The following MCTP2 variants were observed in gnomAD, a reference collection of about 807,000 sequenced individuals.
MCTP2 encodes the protein multiple C2 and transmembrane domain-containing protein 2.
A neutral mutation model predicts 111.6 loss-of-function variants in MCTP2; 132 were observed. That is an observed-to-expected ratio of 1.18 (90% confidence interval 1.03 to 1.37). The LOEUF (loss-of-function observed/expected upper bound fraction) is 1.37. Ranked by LOEUF, MCTP2 falls within the 40% of genes most tolerant of loss-of-function variation. The pLI is 0.00. For missense variants in MCTP2, 1,183 were observed against 1,067.9 expected (o/e 1.11, Z -1.50); for synonymous variants, 395 against 387.7 (o/e 1.02, Z -0.22).
chr15:94,370,715 G>A (rs1596494987), intron 12 of MCTP2, among the ~76,000 whole-genome samples: 1 of 152,130 alleles, frequency 6.6e-6, no homozygotes, highest in South Asian at 2.1e-4. Flanking sequence ...AGAGGCCAAA[G>A]CAGACATGCT....
At chr15:94,329,663 C>T (rs140637241) in intron 4 of MCTP2, among the ~76,000 whole-genome samples, 125 of 152,244 alleles carry the variant, frequency 8.2e-4, no homozygotes, top group African/African-American at 2.9e-3. Flanking sequence ...GGATGACCTC[C>T]CACCGGGCCC....
intron 1 of MCTP2, among the ~76,000 whole-genome samples, chr15:94,243,533 G>A (rs2071296799): frequency 7.6e-6 from 1 of 130,720 alleles, no homozygotes. Flanking sequence ...ACACACATAC[G>A]TATGCGTGCA....
intron 2 of MCTP2, among the ~76,000 whole-genome samples, chr15:94,300,507 C>CT (rs1216208109): frequency 2.0e-5 from 1 of 50,162 alleles, no homozygotes; most frequent in East Asian, 1.3e-3. Context: ...GAGACTCTGT[C>CT]TCAAAAAAAA....
chr15:94,458,344 A>G (rs1247300727), intron 20 of MCTP2, 98 bp downstream of exon 20: 2 of 752,534 alleles, frequency 2.7e-6, no homozygotes, highest in Admixed American at 4.1e-5. Flanking sequence ...GAGGCAAGAA[A>G]ATACAAAAAC....
chr15:94,240,619 C>T (rs1047203049), intron 1 of MCTP2, among the ~76,000 whole-genome samples: 1 of 152,060 alleles, frequency 6.6e-6, no homozygotes, highest in African/African-American at 2.4e-5. Flanking sequence ...CTTGCTAAAC[C>T]CTGTTGTGAA....
At chr15:94,368,697 C>T (rs1286475418) in intron 11 of MCTP2, among the ~76,000 whole-genome samples, 3 of 152,174 alleles carry the variant, frequency 2.0e-5, no homozygotes, top group Admixed American at 6.5e-5. Context: ...GAAGGTTTGA[C>T]ACAACTATTA....
At chr15:94,289,267 A>G (rs932848494) in intron 1 of MCTP2, among the ~76,000 whole-genome samples, 1 of 152,228 alleles carries the variant, frequency 6.6e-6, no homozygotes, top group African/African-American at 2.4e-5. Flanking sequence ...AAGAACAATG[A>G]TTCAAATGGC....
At chr15:94,415,700 G>A (rs1303608751) in intron 17 of MCTP2, among the ~76,000 whole-genome samples, 2 of 150,186 alleles carry the variant, frequency 1.3e-5, no homozygotes, top group Non-Finnish European at 3.0e-5. Context: ...GCATATGCAA[G>A]ACCAACCCAC....
chr15:94,376,082 G>A (rs2079756660), intron 12 of MCTP2, among the ~76,000 whole-genome samples: 1 of 152,152 alleles, frequency 6.6e-6, no homozygotes, highest in South Asian at 2.1e-4. Context: ...TCTACTGCAG[G>A]ACATGAGGTG....
chr15:94,362,121 C>T (rs868707614), intron 10 of MCTP2, among the ~76,000 whole-genome samples: 6 of 151,984 alleles, frequency 3.9e-5, no homozygotes, highest in Admixed American at 6.6e-5. Flanking sequence ...TGTTGCCTAC[C>T]GACTCCAGTG....
At chr15:94,349,325 C>G (rs988832506) in intron 8 of MCTP2, among the ~76,000 whole-genome samples, 2 of 152,170 alleles carry the variant, frequency 1.3e-5, no homozygotes. Context: ...AATCTCTCCT[C>G]TCAGTGATGT....
chr15:94,446,434 G>T (rs1044898298), intron 19 of MCTP2, among the ~76,000 whole-genome samples: 4 of 152,080 alleles, frequency 2.6e-5, no homozygotes, highest in African/African-American at 9.7e-5. Flanking sequence ...GACCTTATTT[G>T]TACGGATGGA....
Position 94,332,749 on chromosome 15 carries a change from G to T in MCTP2, c.638-6541G>T, listed in dbSNP as rs74028562. On this transcript the variant is annotated intron_variant, in intron 4 of 22. Coordinates refer to ENST00000357742, the MANE Select transcript of MCTP2 (RefSeq NM_001385001.1). Reference sequence around the variant, plus strand: ...ATTGCATGGCTAAATTTTATAACTTGGCAAACCTGCTTTGCTGATAGCAAA... The same window carrying T: ...ATTGCATGGCTAAATTTTATAACTTTGCAAACCTGCTTTGCTGATAGCAAA... Among the ~76,000 whole-genome samples, 1,105 of 151,590 alleles carry T rather than the reference G, an allele frequency of 7.3e-3. 16 individuals are homozygous for T. The highest frequency in any genetic ancestry group is 0.024 in the African/African-American group (990 of 40,968).
rs370276353 is a variant in MCTP2 at position 94,477,509 on chromosome 15, C to T, written c.2568+716C>T. Among the ~76,000 whole-genome samples the T allele has an allele frequency of 1.6e-3, 241 of 152,266 alleles. 1 individual carries two copies. Among genetic ancestry groups the T allele is most frequent in the African/African-American group, 5.6e-3 (234 of 41,564 alleles). ...ATAAATCCAGAGGAAGGAGGGCAGG[C>T]GGCAGTTTCTCTAATGGAGAACAGA... On this transcript the variant is annotated intron_variant, in intron 22 of 22. Transcript: ENST00000357742.
In MCTP2 at chr15:94,397,819, C is replaced by T. The variant is rs192611502; in HGVS notation, c.1789-1142C>T. ...GCTCAAATTTCATGCTGTTAGATTT[C>T]CTATGCTATTGAAATTTTTGATCAT... On this transcript the variant is annotated intron_variant, in intron 14 of 22. Coordinates refer to ENST00000357742, the MANE Select transcript of MCTP2 (RefSeq NM_001385001.1). Among the ~76,000 whole-genome samples, 199 of 152,282 alleles carry T rather than the reference C, an allele frequency of 1.3e-3. 3 individuals are homozygous for T. Among genetic ancestry groups the T allele is most frequent in the Middle Eastern group, 0.01 (3 of 294 alleles).
At chr15:94,470,230 A>T (rs553388756) in intron 20 of MCTP2, 103 bp from the exon 21 acceptor site, 5 of 925,788 alleles carry the variant, frequency 5.4e-6, no homozygotes, top group Non-Finnish European at 8.3e-6. Flanking sequence ...ATAGACTGTA[A>T]AAAAAATTTC....
At chr15:94,448,855 A>C (rs2152518238) in intron 19 of MCTP2, among the ~76,000 whole-genome samples, 2 of 152,328 alleles carry the variant, frequency 1.3e-5, no homozygotes, top group Middle Eastern at 6.8e-3. Context: ...ATCCTGGCCA[A>C]CATGGTGAAA....
At chr15:94,419,420 A>G (rs1257674266) in intron 17 of MCTP2, among the ~76,000 whole-genome samples, 1 of 152,132 alleles carries the variant, frequency 6.6e-6, no homozygotes, top group Non-Finnish European at 1.5e-5. Context: ...TTAGAGGTAT[A>G]AGTGGAAATA....
Position 94,257,451 on chromosome 15 carries a change from C to T in MCTP2, c.-66+25787C>T, listed in dbSNP as rs143533315. On this transcript the variant is annotated intron_variant, in intron 1 of 22. Transcript: ENST00000357742. Reference sequence around the variant, plus strand: ...TCAACCTTATCTCCCATATATTTTGCGTGTGGTAACAGTGGTGTATGTTCC... The same window carrying T: ...TCAACCTTATCTCCCATATATTTTGTGTGTGGTAACAGTGGTGTATGTTCC... Among the ~76,000 whole-genome samples, 17 of 151,828 alleles carry T rather than the reference C, an allele frequency of 1.1e-4. No homozygotes were observed. The East Asian group carries it at 1.7e-3, about 16-fold the overall frequency.
Sources: gnomAD v4.1 joint callset for allele counts (sites outside exome capture counted in the v4.1 genomes callset) on GRCh38, gnomAD v4.1.1 for gene constraint, MANE v1.5 for transcripts, NCBI Gene and HGNC (gene_info 2026-07-23, HGNC 2026-07-21) for gene names.